PKIA: variants seen among roughly 807,000 people sequenced by gnomAD.
PKIA encodes cAMP-dependent protein kinase inhibitor alpha.
A neutral mutation model predicts 7.6 loss-of-function variants in PKIA; 4 were observed. The observed-to-expected ratio is 0.52, with a 90% confidence interval of 0.26 to 1.20. PKIA has a LOEUF of 1.20. Ranked by LOEUF, PKIA falls within the 50% of genes most tolerant of loss-of-function variation. The pLI is 0.13. For missense variants in PKIA, 73 were observed against 86.2 expected (o/e 0.85, Z 0.61); for synonymous variants, 21 against 30.7 (o/e 0.68, Z 1.04).
At chr8:78,593,000 G>A (rs1404339744) in intron 2 of PKIA, among the ~76,000 whole-genome samples, 1 of 152,136 alleles carries the variant, frequency 6.6e-6, no homozygotes, top group Non-Finnish European at 1.5e-5. Flanking sequence ...ATGGTAATAT[G>A]TATGATTTAG....
chr8:78,599,132 A>G (rs958619301), intron 3 of PKIA, among the ~76,000 whole-genome samples: 3 of 152,092 alleles, frequency 2.0e-5, no homozygotes, highest in African/African-American at 4.8e-5. Context: ...CAAGGAGTCT[A>G]TCTTCATTAA....
intron 1 of PKIA, among the ~76,000 whole-genome samples, chr8:78,532,630 C>T (rs915225306): frequency 7.9e-5 from 12 of 151,908 alleles, no homozygotes; most frequent in African/African-American, 2.4e-4. Context: ...GCAGGCTGGA[C>T]GCAGTGGCTC....
intron 3 of PKIA, 139 bp downstream of exon 3, chr8:78,598,674 T>C (rs1031878749): frequency 1.5e-6 from 1 of 653,234 alleles, no homozygotes; most frequent in Non-Finnish European, 2.7e-6. Flanking sequence ...AAGATGAAAG[T>C]CTGAGACTAA....
At chr8:78,539,967 A>G (rs1484680194) in intron 1 of PKIA, among the ~76,000 whole-genome samples, 1 of 152,042 alleles carries the variant, frequency 6.6e-6, no homozygotes, top group East Asian at 1.9e-4. Flanking sequence ...TTGCTAGATA[A>G]AAGAGATAGG....
chr8:78,565,746 C>T (rs1246195772), intron 1 of PKIA, among the ~76,000 whole-genome samples: 3 of 151,604 alleles, frequency 2.0e-5, no homozygotes, highest in African/African-American at 7.3e-5. Context: ...TTTACAGGAC[C>T]AGATACAAAG....
chr8:78,598,461 T>C lies in PKIA; in HGVS notation c.77T>C (p.Ile26Thr). The C allele has an allele frequency of 6.2e-7, 1 of 1,611,718 alleles. No individual in the cohort carries two copies. Among genetic ancestry groups the C allele is most frequent in the Non-Finnish European group, 8.5e-7 (1 of 1,178,192 alleles). ...RTGRRNAIHD[I>T]LVSSASGNSN... ...GGTAGAAGAAATGCAATACATGATA[T>C]CCTGGTTTCCTCTGCAAGTGGCAAC... The change falls in exon 3 of 4, where the codon ATC (isoleucine) becomes ACC (threonine). Residue 26 changes from isoleucine to threonine, a missense_variant. Coordinates refer to ENST00000396418, the MANE Select transcript of PKIA (RefSeq NM_006823.4).
intron 1 of PKIA, among the ~76,000 whole-genome samples, chr8:78,552,782 AAAT>A (rs1307345673): frequency 1.3e-5 from 2 of 152,040 alleles, no homozygotes; most frequent in African/African-American, 2.4e-5. Context: ...TCCATAGAAT[AAAT>A]AATGATACTT....
intron 1 of PKIA, among the ~76,000 whole-genome samples, chr8:78,552,402 C>T (rs1045258623): frequency 2.0e-5 from 3 of 150,872 alleles, no homozygotes; most frequent in African/African-American, 7.3e-5. Context: ...GCACTGTTGG[C>T]ATTCTTCCAA....
Position 78,535,860 on chromosome 8 carries a change from T to C in PKIA, c.-157+19392T>C, listed in dbSNP as rs978857921. ...GAGGATTTAGAGTACCCGAGAGGTA[T>C]GCATCCCTGGATTTTGGTATCTGCG... On this transcript the variant is annotated intron_variant, in intron 1 of 3. Transcript: ENST00000396418. 2.9e-4 allele frequency: 44 copies of C among 152,132 alleles called. 1 individual carries two copies. Among genetic ancestry groups the C allele is most frequent in the African/African-American group, 1.1e-3 (44 of 41,442 alleles). 9.4% of individuals were successfully genotyped at this position (152,132 alleles called of 1,614,324 possible). A position where few individuals can be genotyped will look rare whatever the true frequency, so the allele number is the denominator to read the frequency against.
At chr8:78,521,164 T>C (rs1809409072) in intron 1 of PKIA, among the ~76,000 whole-genome samples, 2 of 152,122 alleles carry the variant, frequency 1.3e-5, no homozygotes, top group Non-Finnish European at 2.9e-5. Flanking sequence ...TACTACCACA[T>C]ATGTGGGAAA....
At chr8:78,556,133 A>G (rs1807128053) in intron 1 of PKIA, among the ~76,000 whole-genome samples, 1 of 152,126 alleles carries the variant, frequency 6.6e-6, no homozygotes, top group Non-Finnish European at 1.5e-5. Context: ...TCAGTTACCA[A>G]AAGAACATTT....
intron 1 of PKIA, among the ~76,000 whole-genome samples, chr8:78,541,736 T>G (rs889359953): frequency 2.0e-4 from 30 of 151,992 alleles, no homozygotes; most frequent in Admixed American, 2.0e-3. Flanking sequence ...ATGTCCATGC[T>G]CCTAACAAAA....
At chr8:78,588,867 C>T (rs1047656922) in intron 2 of PKIA, among the ~76,000 whole-genome samples, 2 of 150,994 alleles carry the variant, frequency 1.3e-5, no homozygotes, top group South Asian at 2.1e-4. Flanking sequence ...TTCCATTGCA[C>T]CCCAGCCTGG....
At chr8:78,518,288 A>G (rs886529764) in intron 1 of PKIA, among the ~76,000 whole-genome samples, 3 of 152,192 alleles carry the variant, frequency 2.0e-5, no homozygotes, top group Non-Finnish European at 2.9e-5. Flanking sequence ...TGTTGTTGTT[A>G]TTATGTGTTA....
intron 2 of PKIA, among the ~76,000 whole-genome samples, chr8:78,581,018 G>T (rs1420074266): frequency 6.6e-6 from 1 of 151,966 alleles, no homozygotes; most frequent in African/African-American, 2.4e-5. Context: ...GCAAAGGCCT[G>T]GGACAGCTAT....
At chr8:78,535,618 T>G (rs934790367) in intron 1 of PKIA, 5 of 152,158 alleles carry the variant, frequency 3.3e-5, no homozygotes, top group African/African-American at 1.2e-4. Flanking sequence ...CTCACCAAAC[T>G]GTCCAGTCTG....
At chr8:78,557,226 A>G (rs1170453869) in intron 1 of PKIA, among the ~76,000 whole-genome samples, 1 of 152,200 alleles carries the variant, frequency 6.6e-6, no homozygotes, top group East Asian at 1.9e-4. Flanking sequence ...AGAAGAGTAG[A>G]AATGATAATA....
chr8:78,572,356 T>C (rs1316868529), intron 1 of PKIA, among the ~76,000 whole-genome samples: 2 of 151,898 alleles, frequency 1.3e-5, no homozygotes, highest in Non-Finnish European at 2.9e-5. Flanking sequence ...TATGAAGAAC[T>C]AAATTTAGTC....
chr8:78,590,444 TA>T (rs1202333833), intron 2 of PKIA, among the ~76,000 whole-genome samples: 2 of 152,122 alleles, frequency 1.3e-5, no homozygotes, highest in Non-Finnish European at 2.9e-5. Flanking sequence ...AAAAGGCTAT[TA>T]AAATTCTCCT....
Sources: gnomAD v4.1 joint callset for allele counts (sites outside exome capture counted in the v4.1 genomes callset) on GRCh38, gnomAD v4.1.1 for gene constraint, MANE v1.5 for transcripts, NCBI Gene and HGNC (gene_info 2026-07-23, HGNC 2026-07-21) for gene names.